Variants in TCF7L2 observed in about 807,000 individuals in gnomAD.
The protein encoded by TCF7L2 is transcription factor 7-like 2.
TCF7L2 carries 23 observed loss-of-function variants against 77.9 expected under a neutral mutation model. The observed-to-expected ratio is 0.30, with a 90% CI of 0.21 to 0.42. TCF7L2 has a LOEUF of 0.42. TCF7L2 is among the 10% of genes least tolerant of loss of function. TCF7L2 has a pLI of 1.00. For synonymous variants in TCF7L2, 413 were observed against 340.2 expected (o/e 1.21, Z -2.36); for missense variants, 654 against 793.1 (o/e 0.82, Z 2.11).
rs896219670 is a variant in TCF7L2 at position 113,107,469 on chromosome 10, C to T, written c.553-33715C>T. Among the ~76,000 whole-genome samples the T allele has an allele frequency of 5.3e-5, 8 of 152,136 alleles. No individual in the cohort carries two copies. In the East Asian group the frequency reaches 5.8e-4, roughly 11 times the overall value. ...GTCAAGACATCAAGTTGCGGCCGGG[C>T]GTGGTGGCTCATGCCTATAATCTCA... On this transcript the variant is annotated intron_variant, in intron 5 of 13. Coordinates refer to ENST00000627217, the MANE Select transcript of TCF7L2 (RefSeq NM_001146274.2).
intron 13 of TCF7L2, among the ~76,000 whole-genome samples, chr10:113,163,699 A>G (rs1054950647): frequency 2.0e-5 from 3 of 152,072 alleles, no homozygotes; most frequent in Non-Finnish European, 4.4e-5. Flanking sequence ...TGAGGGTGAG[A>G]GGGGGTGGTG....
intron 5 of TCF7L2, among the ~76,000 whole-genome samples, chr10:113,101,894 T>G (rs2061685795): frequency 7.1e-6 from 1 of 140,382 alleles, no homozygotes; most frequent in Non-Finnish European, 1.5e-5. Flanking sequence ...ATCCCAGCAC[T>G]TTGGGAGGCC....
chr10:112,951,692 C>CCCTCCCCGCCT (rs1217787089), intron 3 of TCF7L2, 85 bp downstream of exon 3: 1 of 753,528 alleles, frequency 1.3e-6, no homozygotes, highest in African/African-American at 2.0e-5. Context: ...CTGCCCTGCC[C>CCCTCCCCGCCT]CCTCCCCGCC....
At chr10:113,153,583 T>C (rs564479559) in intron 11 of TCF7L2, among the ~76,000 whole-genome samples, 1 of 152,324 alleles carries the variant, frequency 6.6e-6, no homozygotes, top group Non-Finnish European at 1.5e-5. Context: ...TTGAGGCTTC[T>C]GTGGCAGGGG....
intron 4 of TCF7L2, among the ~76,000 whole-genome samples, chr10:112,994,313 G>A (rs2043101413): frequency 6.6e-6 from 1 of 152,076 alleles, no homozygotes; most frequent in Non-Finnish European, 1.5e-5. Flanking sequence ...TCATATAAAT[G>A]GTATCATAAA....
In TCF7L2 at chr10:113,039,915, G is replaced by A; in HGVS notation, c.451-110G>A. On this transcript the variant is annotated intron_variant, in intron 4 of 13. Coordinates refer to ENST00000627217, the MANE Select transcript of TCF7L2 (RefSeq NM_001146274.2). ...TTTTTTAATGATTATTTGCATGCTT[G>A]TATGTTTTTCAGTTTCTGACCCATG... 1.0e-5 allele frequency: 9 copies of A among 873,024 alleles called. No individual in the cohort carries two copies. The South Asian group carries it at 1.4e-4, about 13-fold the overall frequency. The allele number at this position is 873,024 out of a possible 1,614,324, so 54.1% of individuals were successfully genotyped here.
rs377212342 is a variant in TCF7L2 at position 112,959,566 on chromosome 10, T to G, written c.382-4990T>G. 5.3e-5 allele frequency among the ~76,000 whole-genome samples: 8 copies of G among 152,310 alleles called. No homozygotes were observed. The South Asian group carries it at 1.7e-3, about 32-fold the overall frequency. On this transcript the variant is annotated intron_variant, in intron 3 of 13. Coordinates refer to ENST00000627217, the MANE Select transcript of TCF7L2 (RefSeq NM_001146274.2). ...AGTGAAAGGGGATGCTGTCGTTAAG[T>G]TATTGTTTAGGGATGGTACAAATGT...
intron 5 of TCF7L2, among the ~76,000 whole-genome samples, chr10:113,067,528 C>A (rs1042027200): frequency 6.6e-6 from 1 of 152,196 alleles, no homozygotes; most frequent in African/African-American, 2.4e-5. Flanking sequence ...GCTTCTCTTG[C>A]AAAGTTTCTG....
Position 113,151,071 on chromosome 10 carries a change from C to T in TCF7L2, c.949C>T (p.Pro317Ser), listed in dbSNP as rs553865271. ...CATTCCGCATCCGGCCATAGTCACACCAACAGTCAAACAGGAATCGTCCCA... is the reference window on the plus strand; with the variant it reads ...CATTCCGCATCCGGCCATAGTCACATCAACAGTCAAACAGGAATCGTCCCA... The change falls in exon 9 of 14, where the codon CCA becomes TCA. Residue 317 changes from proline to serine, a missense_variant. This residue lies in a region of TCF7L2 where 179 missense variants were observed against 270.6 expected (regional missense o/e 0.66). Coordinates refer to ENST00000627217, the MANE Select transcript of TCF7L2 (RefSeq NM_001146274.2). The surrounding 1 kb of genome is among the most constrained non-coding windows in gnomAD (Gnocchi z 5.2). 2.5e-6 allele frequency: 4 copies of T among 1,614,188 alleles called. No homozygotes were observed. In the East Asian group the frequency reaches 6.7e-5, roughly 27 times the overall value.
chr10:112,994,204 C>G (rs892526757), intron 4 of TCF7L2, among the ~76,000 whole-genome samples: 1 of 152,188 alleles, frequency 6.6e-6, no homozygotes, highest in African/African-American at 2.4e-5. Flanking sequence ...ATTTTCCTCA[C>G]CCCCGAGGAG....
At chr10:113,038,709 T>G (rs988190135) in intron 4 of TCF7L2, among the ~76,000 whole-genome samples, 2 of 152,316 alleles carry the variant, frequency 1.3e-5, no homozygotes, top group East Asian at 3.9e-4. Context: ...GTCATCTTTC[T>G]TGGCATTTCC....
In TCF7L2 at chr10:113,141,218, A is replaced by G. The variant is rs2068319826; in HGVS notation, c.587A>G (p.His196Arg). 1.2e-6 allele frequency: 2 copies of G among 1,614,108 alleles called. No individual in the cohort carries two copies. The highest frequency in any genetic ancestry group is 1.7e-6 in the Non-Finnish European group (2 of 1,180,020). ...GTGCCAGTGGTGCAGCACCCTCACC[A>G]TGTCCACCCCCTCACGCCTCTTATC... is the stretch of plus-strand genomic sequence containing the variant. Residue 196 changes from histidine (H) to arginine (R), a missense_variant, in exon 6 of 14, where the codon CAT becomes CGT. Transcript: ENST00000627217.
At chr10:113,065,500 G>A (rs187027092) in intron 5 of TCF7L2, among the ~76,000 whole-genome samples, 90 of 152,268 alleles carry the variant, frequency 5.9e-4, no homozygotes, top group Admixed American at 2.2e-3. Flanking sequence ...ATGTGGCCCC[G>A]GCTGTCTGGC....
intron 5 of TCF7L2, among the ~76,000 whole-genome samples, chr10:113,130,779 T>C (rs1564935871): frequency 6.6e-6 from 1 of 150,874 alleles, no homozygotes; most frequent in African/African-American, 2.4e-5. Context: ...TTATTATTAT[T>C]TTTGAGACGG....
intron 5 of TCF7L2, among the ~76,000 whole-genome samples, chr10:113,104,538 T>C (rs11196228): frequency 0.057 from 8,660 of 152,282 alleles, 380 homozygotes; most frequent in Middle Eastern, 0.088. Flanking sequence ...TTCAGGGCAA[T>C]GCAGCCTGTG....
intron 13 of TCF7L2, chr10:113,160,730 A>C (rs1038133471): frequency 1.9e-6 from 3 of 1,547,670 alleles, no homozygotes; most frequent in Non-Finnish European, 1.8e-6. Flanking sequence ...AAATCAAAGC[A>C]TTCTGTCCTT....
chr10:113,074,726 C>T (rs1407525842), intron 5 of TCF7L2, among the ~76,000 whole-genome samples: 1 of 152,154 alleles, frequency 6.6e-6, no homozygotes, highest in Non-Finnish European at 1.5e-5. Flanking sequence ...CTGGGGCCTC[C>T]ACGCCATAGG....
At chr10:113,007,981 T>C (rs1348279308) in intron 4 of TCF7L2, among the ~76,000 whole-genome samples, 1 of 152,166 alleles carries the variant, frequency 6.6e-6, no homozygotes, top group Non-Finnish European at 1.5e-5. Flanking sequence ...GACTTGGGGC[T>C]TGGGGAAGCG....
chr10:113,161,619 C>A (rs1242926711), intron 13 of TCF7L2: 1 of 1,536,100 alleles, frequency 6.5e-7, no homozygotes, highest in Admixed American at 2.0e-5. Context: ...TATTTCAACA[C>A]CCTAAACACG....
Sources: gnomAD v4.1 joint callset for allele counts (sites outside exome capture counted in the v4.1 genomes callset) on GRCh38, gnomAD v4.1.1 for gene constraint, gnomAD v4.1.1 regional missense constraint, Gnocchi (gnomAD v3.1) non-coding constraint, MANE v1.5 for transcripts, NCBI Gene and HGNC (gene_info 2026-07-23, HGNC 2026-07-21) for gene names.